TECPR2: variants seen among roughly 807,000 people sequenced by gnomAD.
TECPR2 encodes tectonin beta-propeller repeat containing 2.
In TECPR2, 65 loss-of-function variants were observed where a neutral mutation model predicts 138.1. That is an observed-to-expected ratio of 0.47 (90% CI 0.39 to 0.58). The LOEUF (loss-of-function observed/expected upper bound fraction) is 0.58, where lower values mean the gene tolerates loss of function less well. Among genes scored for constraint, TECPR2 ranks in the 20% least tolerant of loss-of-function variants. The pLI, the probability that TECPR2 is intolerant of heterozygous loss-of-function variation, is 0.00. For missense variants in TECPR2, 1,553 were observed against 1,824.5 expected, an observed-to-expected ratio of 0.85 and a Z score of 2.71; for synonymous variants, 746 against 749.8, an observed-to-expected ratio of 0.99 and a Z score of 0.08.
chr14:102,393,807 G>A (rs1443404355), intron 2 of TECPR2, among the ~76,000 whole-genome samples: 1 of 152,064 alleles, frequency 6.6e-6, no homozygotes, highest in Non-Finnish European at 1.5e-5. Flanking sequence ...TGATCCACCC[G>A]CCTCGGCCTC....
rs1239725766 is a variant in TECPR2, at chr14:102,450,637, C to G, written c.3394C>G (p.Pro1132Ala). 2 of 1,614,140 alleles carry G rather than the reference C, an allele frequency of 1.2e-6. No homozygotes were observed. The highest frequency in any genetic ancestry group is 3.3e-5 in the Admixed American group (2 of 60,018). The change falls in exon 15 of 20, where the codon CCC (proline) becomes GCC (alanine). Residue 1132 changes from proline to alanine, a missense_variant. Pro to Ala is a conservative substitution (Grantham distance 27). Transcript: ENST00000359520. ...KWAFVLASAAPTKEGSFLWLC... is the reference protein window; with the variant it reads ...KWAFVLASAAATKEGSFLWLC... ...GGCCTTTGTGTTGGCTTCTGCAGCT[C>G]CCACGAAGGAAGGTGGGTCAGTCTT...
At chr14:102,403,651 GAACT>G (rs955298403) in intron 2 of TECPR2, among the ~76,000 whole-genome samples, 1 of 152,062 alleles carries the variant, frequency 6.6e-6, no homozygotes, top group African/African-American at 2.4e-5. Context: ...AAAATTGTTT[GAACT>G]AATACATGAA....
At chr14:102,444,335 G>A (rs1889913645) in intron 12 of TECPR2, among the ~76,000 whole-genome samples, 1 of 151,876 alleles carries the variant, frequency 6.6e-6, no homozygotes, top group Admixed American at 6.6e-5. Context: ...TGGGACTACA[G>A]ATGCATGCCA....
intron 1 of TECPR2, among the ~76,000 whole-genome samples, chr14:102,371,444 GA>G (rs1887506584): frequency 6.6e-6 from 1 of 152,184 alleles, no homozygotes. Flanking sequence ...AATGGTGGGT[GA>G]AGGACAGACA....
intron 18 of TECPR2, 135 bp from the exon 19 acceptor site, chr14:102,497,435 A>C: frequency 8.0e-7 from 1 of 1,256,286 alleles, no homozygotes; most frequent in South Asian, 1.8e-5. Flanking sequence ...TCCTGCCCCA[A>C]GCCCAGCCCA....
At chr14:102,391,023 C>T (rs1443061582) in intron 2 of TECPR2, among the ~76,000 whole-genome samples, 2 of 152,144 alleles carry the variant, frequency 1.3e-5, no homozygotes, top group Non-Finnish European at 2.9e-5. Flanking sequence ...GTAGCTAATT[C>T]ACCATTGTGA....
chr14:102,396,945 C>T (rs192779516), intron 2 of TECPR2, among the ~76,000 whole-genome samples: 75 of 152,232 alleles, frequency 4.9e-4, no homozygotes, highest in African/African-American at 1.7e-3. Flanking sequence ...CAAGTTCTTC[C>T]CCCTCCAATT....
At chr14:102,388,398 T>A (rs1888074443) in intron 2 of TECPR2, among the ~76,000 whole-genome samples, 1 of 152,160 alleles carries the variant, frequency 6.6e-6, no homozygotes, top group South Asian at 2.1e-4. Context: ...AGTGTTAATT[T>A]AAAAAAACAA....
chr14:102,435,002 T>C lies in TECPR2; in HGVS notation c.2185T>C (p.Ser729Pro). The stretch of plus-strand genomic sequence containing the variant: ...TGTGGGAGGACAGCTGACTCCGGTC[T>C]CTGCCTTGGCAGCCAGCACTCACAA... ...GSVGGQLTPV[S>P]ALAASTHKPW... Residue 729 changes from serine to proline, a missense_variant, in exon 9 of 20, where the codon TCT becomes CCT. Ser to Pro is a moderately conservative substitution (Grantham distance 74, BLOSUM62 -1). Transcript: ENST00000359520. 1 of 1,614,144 alleles carries C rather than the reference T, an allele frequency of 6.2e-7. No individual in the cohort carries two copies. The highest frequency in any genetic ancestry group is 1.1e-5 in the South Asian group (1 of 91,092).
chr14:102,447,581 C>T (rs1250801444), intron 13 of TECPR2, among the ~76,000 whole-genome samples: 1 of 152,148 alleles, frequency 6.6e-6, no homozygotes, highest in African/African-American at 2.4e-5. Context: ...GTCACCCAGT[C>T]TGGAGTACAA....
intron 2 of TECPR2, among the ~76,000 whole-genome samples, chr14:102,399,454 A>G (rs1184489599): frequency 6.6e-6 from 1 of 152,114 alleles, no homozygotes; most frequent in Non-Finnish European, 1.5e-5. Context: ...TAGCCACAAG[A>G]CCTGCCCCGC....
chr14:102,443,373 G>A lies in TECPR2; in HGVS notation c.2753-274G>A, dbSNP rs774901044. Among the ~76,000 whole-genome samples the A allele has an allele frequency of 3.9e-5, 6 of 152,150 alleles. No homozygotes were observed. The highest frequency in any genetic ancestry group is 7.3e-5 in the Non-Finnish European group (5 of 68,034). ...TAAACTTGACAACAAAAAAGCGGCC[G>A]GACAGGGCAGCTCCTGCCTGTAATC... On this transcript the variant is annotated intron_variant, in intron 11 of 19. Transcript: ENST00000359520. This position sits in a 1 kb window ranked among gnomAD's most constrained non-coding sequence, Gnocchi z 4.9.
At chr14:102,430,038 G>C (rs529829234) in intron 7 of TECPR2, among the ~76,000 whole-genome samples, 2 of 152,026 alleles carry the variant, frequency 1.3e-5, no homozygotes, top group East Asian at 1.9e-4. Context: ...GCAGTCTCTG[G>C]TCACTGCAAC....
At chr14:102,488,290 A>AT (rs1324540608) in intron 17 of TECPR2, among the ~76,000 whole-genome samples, 2 of 149,372 alleles carry the variant, frequency 1.3e-5, no homozygotes, top group African/African-American at 4.9e-5. Context: ...TAGAGCTGGG[A>AT]TTATAGGTGT....
chr14:102,425,386 G>A, intron 6 of TECPR2, 95 bp downstream of exon 6: 2 of 1,301,010 alleles, frequency 1.5e-6, no homozygotes, highest in South Asian at 3.6e-5. Context: ...AATGCTACCA[G>A]GAGCAGTATT....
At chr14:102,481,136 T>A (rs1395591008) in intron 17 of TECPR2, among the ~76,000 whole-genome samples, 1 of 151,906 alleles carries the variant, frequency 6.6e-6, no homozygotes, top group Non-Finnish European at 1.5e-5. Context: ...CCTCAGCCTC[T>A]TGAGTAGCTG....
chr14:102,498,061 CTG>C (rs757263297), intron 19 of TECPR2, 40 bp from the exon 20 acceptor site: 1 of 1,598,724 alleles, frequency 6.3e-7, no homozygotes, highest in Non-Finnish European at 8.5e-7. Context: ...ACCCCACAGG[CTG>C]TGTGATTGAC....
At chr14:102,463,025 G>A (rs1396440883) in intron 16 of TECPR2, among the ~76,000 whole-genome samples, 1 of 152,192 alleles carries the variant, frequency 6.6e-6, no homozygotes, top group Non-Finnish European at 1.5e-5. Flanking sequence ...TCCTAGAATG[G>A]CTGCCGTGGA....
chr14:102,401,220 C>T (rs535630529), intron 2 of TECPR2, among the ~76,000 whole-genome samples: 3 of 151,964 alleles, frequency 2.0e-5, no homozygotes, highest in Non-Finnish European at 4.4e-5. Flanking sequence ...GGGTGGATCA[C>T]CTGAGGTCAG....
Sources: gnomAD v4.1 joint callset for allele counts (sites outside exome capture counted in the v4.1 genomes callset) on GRCh38, gnomAD v4.1.1 for gene constraint, Gnocchi (gnomAD v3.1) non-coding constraint, MANE v1.5 for transcripts, NCBI Gene and HGNC (gene_info 2026-07-23, HGNC 2026-07-21) for gene names.